The following DYNC2H1 variants were observed in gnomAD, a reference collection of about 807,000 sequenced individuals.
DYNC2H1 encodes cytoplasmic dynein 2 heavy chain 1.
In DYNC2H1, 410 loss-of-function variants were observed where a neutral mutation model predicts 570.0. The observed-to-expected ratio is 0.72, with a 90% CI of 0.66 to 0.78. The LOEUF (loss-of-function observed/expected upper bound fraction) is 0.78. DYNC2H1 is among the 30% of genes least tolerant of loss of function. The probability of loss-of-function intolerance (pLI) is 0.00; values close to 1 mark genes in which losing one functional copy is unlikely to be tolerated. For missense variants in DYNC2H1, 4,865 were observed against 5,046.4 expected, an observed-to-expected ratio of 0.96 and a Z score of 1.09; for synonymous variants, 1,688 against 1,677.6, an observed-to-expected ratio of 1.01 and a Z score of -0.15.
chr11:103,185,170 T>A lies in DYNC2H1; in HGVS notation c.6633+119T>A. The A allele has an allele frequency of 1.2e-6, 1 of 824,954 alleles. No homozygotes were observed. Among genetic ancestry groups the A allele is most frequent in the Non-Finnish European group, 1.8e-6 (1 of 557,176 alleles). The allele number at this position is 824,954 out of a possible 1,614,324, so 51.1% of individuals were successfully genotyped here. On this transcript the variant is annotated intron_variant, in intron 41 of 88. Transcript: ENST00000375735. This position sits in a 1 kb window ranked among gnomAD's most constrained non-coding sequence, Gnocchi z 4.5. ...GGAACTTTTAAAATTTGAAATTATG[T>A]ATTCAATTGAGTAATAATGTATTTA...
At chr11:103,477,048 G>A (rs112906102) in intron 88 of DYNC2H1, among the ~76,000 whole-genome samples, 3 of 152,004 alleles carry the variant, frequency 2.0e-5, no homozygotes, top group African/African-American at 7.2e-5. Context: ...TCCACATCCT[G>A]TGAGGTGGGT....
rs1232603602 is a variant in DYNC2H1 at position 103,170,198 on chromosome 11, C to T, written c.5059C>T (p.Pro1687Ser). 8 of 1,612,800 alleles carry T rather than the reference C, an allele frequency of 5.0e-6. No individual in the cohort carries two copies. Among genetic ancestry groups the T allele is most frequent in the Non-Finnish European group, 6.8e-6 (8 of 1,179,418 alleles). ...CATGAAGATGGGACTTGGAGGAAAT[C>T]CTTATGGACCAGCTGGAACTGGGAA... is the stretch of plus-strand genomic sequence containing the variant. ...QAMKMGLGGNPYGPAGTGKTE... is the reference protein window; with the variant it reads ...QAMKMGLGGNSYGPAGTGKTE... The change falls in exon 33 of 89, where the codon CCT becomes TCT. Residue 1687 changes from proline to serine, a missense_variant. Transcript: ENST00000375735. This position sits in a 1 kb window ranked among gnomAD's most constrained non-coding sequence, Gnocchi z 4.8.
chr11:103,199,385 C>T lies in DYNC2H1; in HGVS notation c.7997C>T (p.Ser2666Phe). The change falls in exon 49 of 89, where the codon TCT becomes TTT. Residue 2666 changes from serine (S) to phenylalanine (F), a missense_variant. Transcript: ENST00000375735. The surrounding 1 kb of genome is among the most constrained non-coding windows in gnomAD (Gnocchi z 4.6). ...GGTGTAGGTCGTCGGACCATCACTT[C>T]TTTAGTCAGTCACATGCATGGAGCG... Reference protein sequence around the residue: ...RSGVGRRTITSLVSHMHGAVL... With the variant: ...RSGVGRRTITFLVSHMHGAVL... The T allele has an allele frequency of 6.2e-7, 1 of 1,610,282 alleles. No individual in the cohort carries two copies.
At chr11:103,421,172 G>A (rs1209408820) in intron 84 of DYNC2H1, among the ~76,000 whole-genome samples, 1 of 152,092 alleles carries the variant, frequency 6.6e-6, no homozygotes, top group Non-Finnish European at 1.5e-5. Flanking sequence ...TCAACATGAA[G>A]AGCTAACTAT....
chr11:103,412,966 C>T (rs1050564009), intron 84 of DYNC2H1, among the ~76,000 whole-genome samples: 2 of 152,104 alleles, frequency 1.3e-5, no homozygotes, highest in Non-Finnish European at 2.9e-5. Flanking sequence ...TCATTAGCAT[C>T]ACCTGAGACC....
chr11:103,253,103 G>A (rs1200730648), intron 65 of DYNC2H1, among the ~76,000 whole-genome samples, 182 bp from the exon 66 acceptor site: 1 of 152,112 alleles, frequency 6.6e-6, no homozygotes, highest in Non-Finnish European at 1.5e-5. Flanking sequence ...ATTTATCATT[G>A]CTTGCATAAG....
chr11:103,176,728 CAG>C lies in DYNC2H1; in HGVS notation c.5874+297_5874+298del, dbSNP rs562978652. On this transcript the variant is annotated intron_variant, in intron 37 of 88. Transcript: ENST00000375735. ...TATATTTTATTTTTATTTTTTGAGA[CAG>C]AGTCTTGCTTTGTCGCCCAGGCTGG... 4.1e-4 allele frequency among the ~76,000 whole-genome samples: 63 copies of C among 152,086 alleles called. No homozygotes were observed. In the South Asian group the frequency reaches 9.5e-3, roughly 23 times the overall value.
At chr11:103,250,462 A>T (rs1864785774) in intron 65 of DYNC2H1, among the ~76,000 whole-genome samples, 1 of 152,096 alleles carries the variant, frequency 6.6e-6, no homozygotes. Flanking sequence ...GATAGTGGAC[A>T]TAGTATCCAA....
rs542312559 is a variant in DYNC2H1, at chr11:103,299,546, C to A, written c.11096-3547C>A. ...TGGTGTCATTCTCAGCTTTTGGATG[C>A]CAGTTGGTATCTAGCCTTCCTCCAT... On this transcript the variant is annotated intron_variant, in intron 75 of 88. Coordinates refer to ENST00000375735, the MANE Select transcript of DYNC2H1 (RefSeq NM_001377.3). The surrounding 1 kb of genome is among the most constrained non-coding windows in gnomAD (Gnocchi z 4.5). 2.0e-5 allele frequency among the ~76,000 whole-genome samples: 3 copies of A among 152,056 alleles called. No individual in the cohort carries two copies. The highest frequency in any genetic ancestry group is 7.2e-5 in the African/African-American group (3 of 41,404).
intron 65 of DYNC2H1, among the ~76,000 whole-genome samples, chr11:103,246,669 C>T (rs1864630747): frequency 6.6e-6 from 1 of 151,990 alleles, no homozygotes; most frequent in Admixed American, 6.6e-5. Context: ...AGTCTGTTAT[C>T]CCCTTTGTGT....
intron 82 of DYNC2H1, among the ~76,000 whole-genome samples, chr11:103,335,838 CTT>C (rs1939094230): frequency 6.6e-6 from 1 of 152,110 alleles, no homozygotes; most frequent in African/African-American, 2.4e-5. Context: ...AATTATCTCA[CTT>C]AACTCTCAGA....
At chr11:103,415,682 A>G (rs756227355) in intron 84 of DYNC2H1, among the ~76,000 whole-genome samples, 2 of 152,212 alleles carry the variant, frequency 1.3e-5, no homozygotes, top group African/African-American at 2.4e-5. Context: ...AGAAATAGGA[A>G]CACTTTTACA....
chr11:103,219,786 A>G, intron 55 of DYNC2H1, 129 bp from the exon 56 acceptor site: 2 of 565,782 alleles, frequency 3.5e-6, no homozygotes, highest in South Asian at 2.5e-5. Flanking sequence ...CTCTCTTGTC[A>G]TAGATTCAAA....
intron 6 of DYNC2H1, 32 bp downstream of exon 6, chr11:103,117,895 T>C (rs2134702690): frequency 2.6e-6 from 4 of 1,539,836 alleles, no homozygotes; most frequent in Non-Finnish European, 3.5e-6. Flanking sequence ...TCTTTGTCTT[T>C]AAATGTAAAG....
At chr11:103,323,530 T>C (rs1325926292) in intron 81 of DYNC2H1, among the ~76,000 whole-genome samples, 1 of 151,814 alleles carries the variant, frequency 6.6e-6, no homozygotes, top group African/African-American at 2.4e-5. Flanking sequence ...ACTCTGCAGA[T>C]TGGTCTTTGG....
intron 5 of DYNC2H1, 112 bp downstream of exon 5, chr11:103,116,826 T>A: frequency 4.6e-6 from 4 of 869,278 alleles, no homozygotes; most frequent in Non-Finnish European, 6.5e-6. Flanking sequence ...CTGTAACTCT[T>A]AAAGCAAATC....
chr11:103,342,576 C>T (rs1417734044), intron 82 of DYNC2H1, among the ~76,000 whole-genome samples: 1 of 150,982 alleles, frequency 6.6e-6, no homozygotes, highest in Non-Finnish European at 1.5e-5. Context: ...GATCTCGGCT[C>T]ACTGCAAGCT....
Position 103,276,835 on chromosome 11 carries a change from C to T in DYNC2H1, c.10696-3513C>T, listed in dbSNP as rs1018177384. The stretch of plus-strand genomic sequence containing the variant: ...CCTTATTTCTTATTAGGAGCACATA[C>T]GTGATCCCTTTGCTTAAATTTCTAG... On this transcript the variant is annotated intron_variant, in intron 70 of 88. Coordinates refer to ENST00000375735, the MANE Select transcript of DYNC2H1 (RefSeq NM_001377.3). 5.9e-5 allele frequency among the ~76,000 whole-genome samples: 9 copies of T among 151,970 alleles called. No individual in the cohort carries two copies. In the South Asian group the frequency reaches 1.0e-3, roughly 18 times the overall value.
intron 83 of DYNC2H1, among the ~76,000 whole-genome samples, chr11:103,387,446 T>A (rs1326369145): frequency 1.3e-5 from 2 of 152,236 alleles, no homozygotes; most frequent in Admixed American, 6.5e-5. Context: ...TCCTATTCTG[T>A]CAGTTGCCTG....
Sources: gnomAD v4.1 joint callset for allele counts (sites outside exome capture counted in the v4.1 genomes callset) on GRCh38, gnomAD v4.1.1 for gene constraint, Gnocchi (gnomAD v3.1) non-coding constraint, MANE v1.5 for transcripts, NCBI Gene and HGNC (gene_info 2026-07-23, HGNC 2026-07-21) for gene names.